Variants in KCNH4 observed in about 807,000 individuals in gnomAD.
KCNH4 encodes voltage-gated delayed rectifier potassium channel KCNH4.
Under a neutral mutation model 90.7 loss-of-function variants are expected in KCNH4, and 33 were observed. The ratio of observed to expected loss-of-function variants is 0.36; its 90% confidence interval spans 0.28 to 0.49. The LOEUF (loss-of-function observed/expected upper bound fraction) is 0.49, where lower values mean the gene tolerates loss of function less well. KCNH4 is among the 20% of genes least tolerant of loss of function. The pLI is 0.98. For synonymous variants in KCNH4, 551 were observed against 581.7 expected (o/e 0.95, Z 0.76); for missense variants, 1,044 against 1,387.1 (o/e 0.75, Z 3.93).
At position 42,160,279 on chromosome 17, in the gene KCNH4, G is replaced by C; in HGVS notation, c.2815C>G (p.Pro939Ala). Residue 939 changes from proline (P) to alanine (A), a missense_variant, in exon 16 of 17, where the codon CCT becomes GCT. Coordinates refer to ENST00000264661, the MANE Select transcript of KCNH4 (RefSeq NM_012285.3). ...CTGGGTGGTGGTCTGGACGCACAAGGAGAGAGGCATGGTGGCCTCAGCTGT... is the reference window on the plus strand; with the variant it reads ...CTGGGTGGTGGTCTGGACGCACAAGCAGAGAGGCATGGTGGCCTCAGCTGT... ...CPQLRPPCLS[P>A]CASRPPPSLQ... 1 of 1,614,134 alleles carries C rather than the reference G, an allele frequency of 6.2e-7. No homozygotes were observed. The highest frequency in any genetic ancestry group is 2.2e-5 in the East Asian group (1 of 44,868).
At position 42,163,648 on chromosome 17, in the gene KCNH4, A is replaced by G; in HGVS notation, c.2435T>C (p.Ile812Thr). The G allele has an allele frequency of 6.7e-7, 1 of 1,502,720 alleles. No homozygotes were observed. Among genetic ancestry groups the G allele is most frequent in the Middle Eastern group, 1.9e-4 (1 of 5,216 alleles). 93.1% of individuals were successfully genotyped at this position (1,502,720 alleles called of 1,614,324 possible). A position where few individuals can be genotyped will look rare whatever the true frequency, so the allele number is the denominator to read the frequency against. Residue 812 changes from isoleucine to threonine, a missense_variant, in exon 13 of 17, where the codon ATT becomes ACT. Physicochemically the swap from Ile to Thr is moderately conservative, Grantham distance 89. Around this residue, in one of 4 missense-constraint regions of KCNH4, gnomAD observed 441 missense variants for 512.3 expected, o/e 0.86. Transcript: ENST00000264661. This position sits in a 1 kb window ranked among gnomAD's most constrained non-coding sequence, Gnocchi z 5.4. ...AGGTCCAAAGGTTCCCAGTGGGGGA[A>G]TGAGAAGCTGAGGGGGCTTCCAGGC... ...SAAWKPPQLL[I>T]PPLGTFGPPD... is the part of the protein sequence containing the mutation.
At position 42,179,542 on chromosome 17, in the gene KCNH4, A is replaced by T. The variant is rs149917408; in HGVS notation, c.77-516T>A. Among the ~76,000 whole-genome samples the T allele has an allele frequency of 3.7e-3, 562 of 152,350 alleles. 3 individuals carry two copies. Among genetic ancestry groups the T allele is most frequent in the African/African-American group, 0.013 (534 of 41,576 alleles). Reference sequence around the variant, plus strand: ...AGCACATGGTAAGTGCTACTCTGAGAAGGTGAAATTTTTTCCCCACATTCA... The same window carrying T: ...AGCACATGGTAAGTGCTACTCTGAGTAGGTGAAATTTTTTCCCCACATTCA... On this transcript the variant is annotated intron_variant, in intron 1 of 16. Transcript: ENST00000264661.
intron 9 of KCNH4, among the ~76,000 whole-genome samples, chr17:42,168,645 A>G (rs1049551932): frequency 6.6e-6 from 1 of 152,186 alleles, no homozygotes; most frequent in Non-Finnish European, 1.5e-5. Flanking sequence ...CTCCTTCTTG[A>G]AAAAAGAAAA....
Position 42,169,683 on chromosome 17 carries a change from C to G in KCNH4, c.1391-7G>C. 1 of 1,612,228 alleles carries G rather than the reference C, an allele frequency of 6.2e-7. No individual in the cohort carries two copies. On this transcript the variant is annotated splice_polypyrimidine_tract_variant and splice_region_variant and intron_variant, in intron 8 of 16. Transcript: ENST00000264661. ...ACCACAGCGTGCATCAGGGCTGCAG[C>G]AGCAGCAGCGGGCCTGTCAGGGGCG...
intron 10 of KCNH4, 122 bp from the exon 11 acceptor site, chr17:42,165,815 T>G (rs2079783332): frequency 8.8e-7 from 1 of 1,142,426 alleles, no homozygotes; most frequent in Non-Finnish European, 1.3e-6. Context: ...GGTGGGCCAG[T>G]CAATGGGATT....
rs756840395 is a variant in KCNH4 at position 42,163,986 on chromosome 17, G to A, written c.2125-28C>T. ...GCGGGCAGAGGGGGCAGCTGATGTC[G>A]CAGGACAGTGAACAACAGACCCCTT... is the stretch of plus-strand genomic sequence containing the variant. On this transcript the variant is annotated intron_variant, in intron 12 of 16. Coordinates refer to ENST00000264661, the MANE Select transcript of KCNH4 (RefSeq NM_012285.3). The surrounding 1 kb of genome is among the most constrained non-coding windows in gnomAD (Gnocchi z 5.4). 1.1e-5 allele frequency: 16 copies of A among 1,508,408 alleles called. 1 individual carries two copies. Among genetic ancestry groups the A allele is most frequent in the Middle Eastern group, 2.4e-4 (1 of 4,214 alleles). The allele number at this position is 1,508,408 out of a possible 1,614,324, so 93.4% of individuals were successfully genotyped here. A position where few individuals can be genotyped will look rare whatever the true frequency, so the allele number is the denominator to read the frequency against.
intron 4 of KCNH4, among the ~76,000 whole-genome samples, chr17:42,177,404 G>T (rs191912234): frequency 1.9e-4 from 27 of 144,954 alleles, no homozygotes; most frequent in African/African-American, 6.7e-4. Flanking sequence ...TCACTATGTT[G>T]CCCAGGCTGG....
In KCNH4 at chr17:42,158,880, C is replaced by T. The variant is rs1386722493; in HGVS notation, c.*309+851G>A. On this transcript the variant is annotated intron_variant, in intron 16 of 16. Coordinates refer to ENST00000264661, the MANE Select transcript of KCNH4 (RefSeq NM_012285.3). ...TATTTTTTTTATAGAGATAGGGTCT[C>T]GCTATGTTGCTCAGGTGGATCTCAA... Among the ~76,000 whole-genome samples, 6 of 151,632 alleles carry T rather than the reference C, an allele frequency of 4.0e-5. No homozygotes were observed. In the East Asian group the frequency reaches 9.7e-4, roughly 24 times the overall value.
Position 42,178,976 on chromosome 17 carries a change from C to A in KCNH4, c.127G>T (p.Val43Phe). Residue 43 changes from valine to phenylalanine, a missense_variant, in exon 2 of 17, where the codon GTC (valine) becomes TTC (phenylalanine). Val to Phe is a conservative substitution (Grantham distance 50). Transcript: ENST00000264661. ...TCGCAGAAGCCGTCGGAGCAGTAGA[C>A]GATGGGAAAGCCCCGTGTGCCCTGT... ...NAQGTRGFPIVYCSDGFCELT... is the reference protein window; with the variant it reads ...NAQGTRGFPIFYCSDGFCELT... The A allele has an allele frequency of 1.2e-6, 2 of 1,614,190 alleles. No individual in the cohort carries two copies.
intron 4 of KCNH4, 23 bp downstream of exon 4, chr17:42,178,077 G>T: frequency 6.2e-7 from 1 of 1,608,400 alleles, no homozygotes; most frequent in Non-Finnish European, 8.5e-7. Context: ...CTTGGGAGAT[G>T]TTGGGTTGGG....
chr17:42,170,057 C>T, intron 8 of KCNH4, 50 bp downstream of exon 8: 1 of 1,517,564 alleles, frequency 6.6e-7, no homozygotes, highest in African/African-American at 1.4e-5. Flanking sequence ...TTTCCCCGTG[C>T]ATGCTGGGCT....
chr17:42,162,586 A>G (rs553275930), intron 14 of KCNH4, among the ~76,000 whole-genome samples: 4 of 151,460 alleles, frequency 2.6e-5, no homozygotes, highest in African/African-American at 9.7e-5. Flanking sequence ...CATGCCTTTC[A>G]ACAATTGTTT....
chr17:42,177,961 G>C (rs2079873720), intron 4 of KCNH4, 139 bp downstream of exon 4: 9 of 969,614 alleles, frequency 9.3e-6, no homozygotes, highest in African/African-American at 1.6e-5. Context: ...ATATAGAGTA[G>C]TATATGGGAA....
At chr17:42,175,486 G>T in intron 6 of KCNH4, 93 bp downstream of exon 6, 1 of 1,352,508 alleles carries the variant, frequency 7.4e-7, no homozygotes, top group Non-Finnish European at 1.1e-6. Context: ...TTGATGGGAA[G>T]GGGCATATCT....
chr17:42,159,963 A>G lies in KCNH4; in HGVS notation c.*77T>C. On this transcript the variant is annotated 3_prime_UTR_variant, in exon 16 of 17. Transcript: ENST00000264661. The stretch of plus-strand genomic sequence containing the variant: ...TGGTGGCTGCTGACCCCAAGGCAGG[A>G]AGCCAAGGGGCCCAGGTCCTCCCTG... 1.7e-6 allele frequency: 2 copies of G among 1,204,394 alleles called. No individual in the cohort carries two copies. The highest frequency in any genetic ancestry group is 2.2e-6 in the Non-Finnish European group (2 of 900,394). The allele number at this position is 1,204,394 out of a possible 1,614,324, so 74.6% of individuals were successfully genotyped here. A position where few individuals can be genotyped will look rare whatever the true frequency, so the allele number is the denominator to read the frequency against.
At chr17:42,158,450 G>A (rs2079723154) in intron 16 of KCNH4, among the ~76,000 whole-genome samples, 1 of 150,878 alleles carries the variant, frequency 6.6e-6, no homozygotes, top group South Asian at 2.1e-4. Flanking sequence ...AGAATGGCGT[G>A]AACCCGGGAG....
chr17:42,167,782 A>G (rs1305026563), intron 9 of KCNH4, among the ~76,000 whole-genome samples: 1 of 152,130 alleles, frequency 6.6e-6, no homozygotes, highest in African/African-American at 2.4e-5. Context: ...CGTCCCACAG[A>G]TCCCATCCTC....
chr17:42,173,217 T>C (rs1387850505), intron 6 of KCNH4, among the ~76,000 whole-genome samples: 1 of 152,010 alleles, frequency 6.6e-6, no homozygotes, highest in African/African-American at 2.4e-5. Context: ...GAACTTGGTA[T>C]GAAAGCCCCT....
rs917275714 is a variant in KCNH4, at chr17:42,180,253, T to C, written c.76+617A>G. Among the ~76,000 whole-genome samples, 1 of 152,036 alleles carries C rather than the reference T, an allele frequency of 6.6e-6. No homozygotes were observed. The highest frequency in any genetic ancestry group is 1.5e-5 in the Non-Finnish European group (1 of 67,988). ...TGGGTTCCAGAGTGGGAAGAGGGAATGGCGGGAGAAGAGGCGGGGGAGGAG... is the reference window on the plus strand; with the variant it reads ...TGGGTTCCAGAGTGGGAAGAGGGAACGGCGGGAGAAGAGGCGGGGGAGGAG... On this transcript the variant is annotated intron_variant, in intron 1 of 16. Transcript: ENST00000264661. This position sits in a 1 kb window ranked among gnomAD's most constrained non-coding sequence, Gnocchi z 4.7.
Sources: allele counts gnomAD v4.1 joint callset (sites outside exome capture counted in the v4.1 genomes callset), GRCh38; gene constraint gnomAD v4.1.1; regional missense constraint gnomAD v4.1.1; non-coding constraint Gnocchi (gnomAD v3.1); transcripts MANE v1.5; gene names NCBI Gene and HGNC (gene_info 2026-07-23, HGNC 2026-07-21).